METTL15: variants seen among roughly 807,000 people sequenced by gnomAD.
METTL15 encodes the protein 12S rRNA N(4)-cytidine methyltransferase METTL15.
In METTL15, 34 loss-of-function variants were observed where a neutral mutation model predicts 38.3. That is an observed-to-expected ratio of 0.89 (90% CI 0.68 to 1.18). The LOEUF is 1.18. Among genes scored for constraint, METTL15 ranks in the 50% most tolerant of loss-of-function variants. METTL15 has a pLI of 0.00. For synonymous variants in METTL15, 162 were observed against 170.9 expected (o/e 0.95, Z 0.41); for missense variants, 438 against 498.4 (o/e 0.88, Z 1.15).
chr11:28,285,625 G>A (rs1856228713), intron 4 of METTL15, among the ~76,000 whole-genome samples: 1 of 152,050 alleles, frequency 6.6e-6, no homozygotes, highest in Admixed American at 6.6e-5. Flanking sequence ...GGAGTACATT[G>A]TATTTTAGGT....
intron 4 of METTL15, chr11:28,361,883 AG>A (rs1273091170): frequency 6.6e-6 from 1 of 152,126 alleles, no homozygotes; most frequent in African/African-American, 2.4e-5. Flanking sequence ...CGTTAGTATC[AG>A]AGGCTCTCCC....
At chr11:28,115,935 TACACACACAC>T (rs112533269) in intron 3 of METTL15, among the ~76,000 whole-genome samples, 2 of 142,352 alleles carry the variant, frequency 1.4e-5, no homozygotes, top group South Asian at 2.3e-4. Context: ...CACATACACA[TACACACACAC>T]ACACACACAC....
intron 6 of METTL15, among the ~76,000 whole-genome samples, chr11:28,433,574 T>C (rs1227751172): frequency 6.6e-6 from 1 of 152,150 alleles, no homozygotes; most frequent in Admixed American, 6.5e-5. Context: ...ATTTCTTAGT[T>C]CACTGCCTGA....
At chr11:28,235,236 G>A (rs1015790859) in intron 4 of METTL15, among the ~76,000 whole-genome samples, 7 of 151,998 alleles carry the variant, frequency 4.6e-5, no homozygotes, top group African/African-American at 7.2e-5. Flanking sequence ...AAGTCAGGTA[G>A]CGTGATGCCT....
At chr11:28,267,282 C>G (rs562868561) in intron 4 of METTL15, among the ~76,000 whole-genome samples, 1 of 151,710 alleles carries the variant, frequency 6.6e-6, no homozygotes, top group South Asian at 2.1e-4. Context: ...CTTCCTTGTT[C>G]ATCTCCTCAA....
intron 3 of METTL15, among the ~76,000 whole-genome samples, chr11:28,208,848 C>T (rs1332475406): frequency 6.6e-6 from 1 of 151,912 alleles, no homozygotes; most frequent in Non-Finnish European, 1.5e-5. Context: ...CTGGTTGGCT[C>T]ATGAGGCCTA....
intron 3 of METTL15, among the ~76,000 whole-genome samples, chr11:28,159,444 C>G (rs927524411): frequency 4.0e-5 from 6 of 149,352 alleles, no homozygotes; most frequent in Non-Finnish European, 8.9e-5. Flanking sequence ...ATCACTCCAC[C>G]AGGAAAAAAA....
At chr11:28,388,180 C>A (rs1392387466) in intron 5 of METTL15, among the ~76,000 whole-genome samples, 2 of 152,040 alleles carry the variant, frequency 1.3e-5, no homozygotes. Flanking sequence ...CTCACTGCTT[C>A]TATTCAATAT....
intron 6 of METTL15, among the ~76,000 whole-genome samples, chr11:28,524,033 G>A (rs769613350): frequency 7.9e-5 from 12 of 152,216 alleles, no homozygotes; most frequent in Non-Finnish European, 1.5e-4. Flanking sequence ...TGTCAATGGT[G>A]TTGGGGTTGA....
intron 3 of METTL15, among the ~76,000 whole-genome samples, chr11:28,115,595 T>C (rs568677559): frequency 7.2e-5 from 11 of 152,038 alleles, no homozygotes; most frequent in Non-Finnish European, 1.2e-4. Flanking sequence ...TATTATATAC[T>C]GTATTCTTAC....
intron 4 of METTL15, among the ~76,000 whole-genome samples, chr11:28,258,229 A>G (rs1277193196): frequency 6.6e-6 from 1 of 152,140 alleles, no homozygotes; most frequent in Non-Finnish European, 1.5e-5. Context: ...CTTCTAAACA[A>G]TGGGGTATCT....
At chr11:28,117,124 G>A (rs1851995767) in intron 3 of METTL15, among the ~76,000 whole-genome samples, 1 of 151,694 alleles carries the variant, frequency 6.6e-6, no homozygotes, top group African/African-American at 2.4e-5. Flanking sequence ...TAATGCAGGG[G>A]TAACAATTAA....
intron 5 of METTL15, among the ~76,000 whole-genome samples, chr11:28,392,937 T>C (rs1213931455): frequency 6.6e-6 from 1 of 151,274 alleles, no homozygotes; most frequent in Non-Finnish European, 1.5e-5. Flanking sequence ...GTGATACAAA[T>C]CAAAATAATG....
chr11:28,325,358 A>T (rs1849600571), intron 6 of METTL15, among the ~76,000 whole-genome samples: 1 of 152,180 alleles, frequency 6.6e-6, no homozygotes, highest in African/African-American at 2.4e-5. Flanking sequence ...GCTGAGCAAG[A>T]CATAGGTCTT....
intron 4 of METTL15, among the ~76,000 whole-genome samples, chr11:28,274,432 A>G (rs1855763986): frequency 6.6e-6 from 1 of 151,992 alleles, no homozygotes; most frequent in Non-Finnish European, 1.5e-5. Flanking sequence ...TGGATGCATC[A>G]TTTCAGTATT....
intron 5 of METTL15, among the ~76,000 whole-genome samples, chr11:28,382,294 A>G (rs192933811): frequency 6.6e-6 from 1 of 152,248 alleles, no homozygotes; most frequent in East Asian, 1.9e-4. Flanking sequence ...AGAGTTTCCA[A>G]GTCTGGGGAT....
chr11:28,318,346 A>C (rs558741351), intron 6 of METTL15, among the ~76,000 whole-genome samples: 1 of 152,110 alleles, frequency 6.6e-6, no homozygotes, highest in African/African-American at 2.4e-5. Context: ...AGTAGTACAG[A>C]GGGGTAAATA....
At chr11:28,362,142 T>C (rs1052959744) in intron 5 of METTL15, 6 of 152,152 alleles carry the variant, frequency 3.9e-5, no homozygotes, top group Non-Finnish European at 7.4e-5. Flanking sequence ...TTTCTTTCCT[T>C]ATGAAGCTTA....
intron 5 of METTL15, among the ~76,000 whole-genome samples, chr11:28,407,056 G>A (rs1850680354): frequency 6.6e-6 from 1 of 152,150 alleles, no homozygotes; most frequent in African/African-American, 2.4e-5. Context: ...TGGTCGATAA[G>A]CTTTTGATGT....
Sources: allele counts gnomAD v4.1 joint callset (sites outside exome capture counted in the v4.1 genomes callset), GRCh38; gene constraint gnomAD v4.1.1; transcripts MANE v1.5; gene names NCBI Gene and HGNC (gene_info 2026-07-23, HGNC 2026-07-21).